KLHDC4: variants seen among roughly 807,000 people sequenced by gnomAD.
KLHDC4 encodes the protein kelch domain containing 4.
KLHDC4 carries 90 observed loss-of-function variants against 62.4 expected under a neutral mutation model. That is an observed-to-expected ratio of 1.44 (90% CI 1.22 to 1.72). The LOEUF (loss-of-function observed/expected upper bound fraction) is 1.72. KLHDC4 is among the 40% of genes most tolerant of loss of function. The pLI is 0.00. For synonymous variants in KLHDC4, 386 were observed against 284.4 expected, an observed-to-expected ratio of 1.36 and a Z score of -3.59; for missense variants, 1,025 against 699.7, an observed-to-expected ratio of 1.47 and a Z score of -5.25.
At chr16:87,747,438 C>T (rs2043204566) in intron 5 of KLHDC4, 1 of 152,216 alleles carries the variant, frequency 6.6e-6, no homozygotes, top group Admixed American at 6.5e-5. Context: ...TCAAGATATA[C>T]ACAAAGAAAT....
At chr16:87,748,374 T>A (rs924682313) in intron 5 of KLHDC4, among the ~76,000 whole-genome samples, 13 of 152,202 alleles carry the variant, frequency 8.5e-5, no homozygotes, top group African/African-American at 3.1e-4. Context: ...TCCAATGATG[T>A]AAACAGAAGA....
At chr16:87,745,425 C>T (rs1011870771) in intron 5 of KLHDC4, among the ~76,000 whole-genome samples, 5 of 152,268 alleles carry the variant, frequency 3.3e-5, no homozygotes, top group African/African-American at 9.6e-5. Context: ...CACCACCTCC[C>T]GGAACGTGAG....
At chr16:87,746,216 G>C (rs887625649) in intron 5 of KLHDC4, among the ~76,000 whole-genome samples, 2 of 152,012 alleles carry the variant, frequency 1.3e-5, no homozygotes, top group African/African-American at 2.4e-5. Context: ...GCTGCAATAA[G>C]GTGTGATCAC....
chr16:87,725,987 G>A (rs780135843), intron 7 of KLHDC4, among the ~76,000 whole-genome samples: 2 of 152,108 alleles, frequency 1.3e-5, no homozygotes, highest in Admixed American at 6.5e-5. Context: ...CTGCACTGCT[G>A]ACAGGGGTGT....
At chr16:87,734,883 C>G (rs1262866618) in intron 5 of KLHDC4, among the ~76,000 whole-genome samples, 1 of 152,052 alleles carries the variant, frequency 6.6e-6, no homozygotes, top group Non-Finnish European at 1.5e-5. Flanking sequence ...GAAGAAAACC[C>G]CACACATGCG....
intron 4 of KLHDC4, chr16:87,750,342 G>A (rs1472275392): frequency 1.3e-5 from 2 of 152,426 alleles, no homozygotes; most frequent in Admixed American, 1.3e-4. Flanking sequence ...CATCTCCACA[G>A]GTGAGAGCCG....
intron 6 of KLHDC4, among the ~76,000 whole-genome samples, chr16:87,727,691 C>T (rs1311461362): frequency 1.3e-5 from 2 of 152,174 alleles, no homozygotes; most frequent in South Asian, 4.1e-4. Flanking sequence ...GGAACTTTGA[C>T]ACAATTATCG....
chr16:87,715,664 G>C (rs993901395), intron 7 of KLHDC4, among the ~76,000 whole-genome samples: 1 of 152,180 alleles, frequency 6.6e-6, no homozygotes, highest in Admixed American at 6.5e-5. Context: ...CTGGGGTTAT[G>C]AATCATTAGG....
At chr16:87,701,684 A>T (rs2034150178) in intron 14 of KLHDC4, 1 of 456,498 alleles carries the variant, frequency 2.2e-6, no homozygotes, top group African/African-American at 2.0e-5. Flanking sequence ...TTTGGGATAA[A>T]CATCCTGTCT....
At chr16:87,737,455 G>C (rs908595557) in intron 5 of KLHDC4, among the ~76,000 whole-genome samples, 10 of 152,072 alleles carry the variant, frequency 6.6e-5, no homozygotes, top group African/African-American at 2.2e-4. Flanking sequence ...GAGCGTGGTG[G>C]TGCGCACCTG....
chr16:87,748,622 C>G lies in KLHDC4; in HGVS notation c.506+51G>C, dbSNP rs774240739. 3.1e-6 allele frequency: 5 copies of G among 1,609,872 alleles called. No homozygotes were observed. The East Asian group carries it at 1.1e-4, about 36-fold the overall frequency. ...GCTCCGAGCACTCGGGCTCAGCACACAAGCACAGAAGAGCCATGCCCGGAG... is the reference window on the plus strand; with the variant it reads ...GCTCCGAGCACTCGGGCTCAGCACAGAAGCACAGAAGAGCCATGCCCGGAG... On this transcript the variant is annotated intron_variant, in intron 5 of 11. Transcript: ENST00000270583.
intron 5 of KLHDC4, among the ~76,000 whole-genome samples, chr16:87,740,043 AGAT>A (rs2042013400): frequency 6.6e-6 from 1 of 152,210 alleles, no homozygotes; most frequent in African/African-American, 2.4e-5. Context: ...GTGGAGTCAC[AGAT>A]CATCCCTCAG....
intron 10 of KLHDC4, 88 bp downstream of exon 10, chr16:87,709,177 C>T: frequency 6.7e-7 from 1 of 1,500,286 alleles, no homozygotes; most frequent in East Asian, 2.3e-5. Context: ...CGCCTCTGGG[C>T]AGCTTGCAGG....
chr16:87,727,449 C>G (rs1042802714), intron 6 of KLHDC4, among the ~76,000 whole-genome samples: 1 of 152,150 alleles, frequency 6.6e-6, no homozygotes. Flanking sequence ...TGGTAAGGCC[C>G]CACAGTGGAC....
chr16:87,764,468 G>A (rs1245869079), intron 1 of KLHDC4, among the ~76,000 whole-genome samples: 4 of 151,888 alleles, frequency 2.6e-5, no homozygotes, highest in East Asian at 1.9e-4. Context: ...TGACCAAAAC[G>A]GTGAAACCCG....
intron 7 of KLHDC4, among the ~76,000 whole-genome samples, chr16:87,720,848 G>A (rs1597472181): frequency 2.6e-5 from 4 of 152,232 alleles, no homozygotes; most frequent in African/African-American, 4.8e-5. Context: ...TGGGGACACT[G>A]CTGTCGCGAT....
chr16:87,756,209 C>T lies in KLHDC4; in HGVS notation c.270+190G>A, dbSNP rs1184012557. The T allele has an allele frequency of 1.4e-5, 7 of 511,978 alleles. No individual in the cohort carries two copies. In the Admixed American group the frequency reaches 1.5e-4, roughly 11 times the overall value. 31.7% of individuals were successfully genotyped at this position (511,978 alleles called of 1,614,324 possible). A position where few individuals can be genotyped will look rare whatever the true frequency, so the allele number is the denominator to read the frequency against. ...CCCAGGAATAGAGACCCCAGGACCA[C>T]TGAAGTCATCAACAGTCATGCCAGG... On this transcript the variant is annotated intron_variant, in intron 3 of 11. Coordinates refer to ENST00000270583, the MANE Select transcript of KLHDC4 (RefSeq NM_017566.4).
intron 8 of KLHDC4, among the ~76,000 whole-genome samples, chr16:87,712,296 C>T (rs1213079621): frequency 2.0e-5 from 3 of 152,014 alleles, no homozygotes; most frequent in African/African-American, 7.2e-5. Context: ...AAAACAGAAG[C>T]AGCAAATGGA....
intron 2 of KLHDC4, among the ~76,000 whole-genome samples, chr16:87,758,805 G>A (rs968906371): frequency 6.6e-6 from 1 of 152,206 alleles, no homozygotes; most frequent in African/African-American, 2.4e-5. Context: ...ATAAAACAAT[G>A]TTGCAACTGG....
Sources: gnomAD v4.1 joint callset for allele counts (sites outside exome capture counted in the v4.1 genomes callset) on GRCh38, gnomAD v4.1.1 for gene constraint, MANE v1.5 for transcripts, NCBI Gene and HGNC (gene_info 2026-07-23, HGNC 2026-07-21) for gene names.